The following ZNF536 variants were observed in gnomAD, a reference collection of about 807,000 sequenced individuals.
The protein encoded by ZNF536 is zinc finger protein 536.
Under a neutral mutation model 84.5 loss-of-function variants are expected in ZNF536, and 13 were observed. That is an observed-to-expected ratio of 0.15 (90% CI 0.10 to 0.24). The LOEUF (loss-of-function observed/expected upper bound fraction) is 0.24. Among genes scored for constraint, ZNF536 ranks in the 10% least tolerant of loss-of-function variants. ZNF536 has a pLI of 1.00. For missense variants in ZNF536, 1,536 were observed against 1,747.5 expected, an observed-to-expected ratio of 0.88 and a Z score of 2.16; for synonymous variants, 811 against 742.5, an observed-to-expected ratio of 1.09 and a Z score of -1.50.
intron 1 of ZNF536, among the ~76,000 whole-genome samples, chr19:30,258,328 T>C (rs938645955): frequency 1.3e-5 from 2 of 152,284 alleles, no homozygotes; most frequent in Middle Eastern, 3.4e-3. Context: ...GTGAGAAAAG[T>C]AGGAGCTTCA....
chr19:30,654,146 T>A (rs889334392), intron 1 of ZNF536, among the ~76,000 whole-genome samples: 1 of 152,138 alleles, frequency 6.6e-6, no homozygotes, highest in Admixed American at 6.5e-5. Flanking sequence ...GCATAAGAAG[T>A]CTCCCTGGCT....
chr19:30,399,599 A>G (rs1305456357), intron 1 of ZNF536, among the ~76,000 whole-genome samples: 5 of 151,830 alleles, frequency 3.3e-5, no homozygotes, highest in African/African-American at 9.7e-5. Flanking sequence ...TGTATAAGGT[A>G]TAAGGAAGGA....
intron 2 of ZNF536, among the ~76,000 whole-genome samples, chr19:30,349,930 A>G (rs2047878297): frequency 6.6e-6 from 1 of 152,174 alleles, no homozygotes. Flanking sequence ...ATGTGATTCA[A>G]CTGAGGTTGT....
intron 1 of ZNF536, among the ~76,000 whole-genome samples, chr19:30,635,603 G>A (rs2049037552): frequency 6.6e-6 from 1 of 152,192 alleles, no homozygotes; most frequent in African/African-American, 2.4e-5. Flanking sequence ...AAGGTTCTCT[G>A]GAGGCCCCAA....
intron 1 of ZNF536, among the ~76,000 whole-genome samples, chr19:30,564,062 G>T (rs922585019): frequency 6.6e-6 from 1 of 152,126 alleles, no homozygotes; most frequent in African/African-American, 2.4e-5. Context: ...ACAAGAGGGG[G>T]TGAATGGCTG....
At chr19:30,283,327 T>G (rs1294603744) in intron 1 of ZNF536, among the ~76,000 whole-genome samples, 1 of 152,190 alleles carries the variant, frequency 6.6e-6, no homozygotes, top group African/African-American at 2.4e-5. Flanking sequence ...CTTCCTTGAT[T>G]ACCCCCTAGC....
At position 30,659,952 on chromosome 19, in the gene ZNF536, G is replaced by T. The variant is rs574418944; in HGVS notation, c.170-50805G>T. 8.1e-4 allele frequency among the ~76,000 whole-genome samples: 82 copies of T among 101,294 alleles called. No homozygotes were observed. The East Asian group carries it at 0.015, about 18-fold the overall frequency. The allele number at this position is 101,294 out of a possible 152,430, so 66.5% of individuals were successfully genotyped here. ...TTGCTCCTACCCTGTTTGACACAAG[G>T]GTGTGTGTGTGTGTGTGTGTGTGTG... On this transcript the variant is annotated intron_variant, in intron 1 of 1. Coordinates refer to the ZNF536 transcript ENST00000592773.
At chr19:30,265,707 C>T (rs988804203) in intron 1 of ZNF536, among the ~76,000 whole-genome samples, 5 of 152,028 alleles carry the variant, frequency 3.3e-5, no homozygotes, top group East Asian at 1.9e-4. Flanking sequence ...TGCCTTTTTT[C>T]GTCATGGTTC....
chr19:30,363,812 C>T (rs1443705809), intron 3 of ZNF536, among the ~76,000 whole-genome samples: 1 of 152,104 alleles, frequency 6.6e-6, no homozygotes, highest in African/African-American at 2.4e-5. Context: ...GAAGGGCTGG[C>T]CTTGGAGCTG....
At chr19:30,620,861 C>A (rs1417238089) in intron 1 of ZNF536, among the ~76,000 whole-genome samples, 3 of 151,486 alleles carry the variant, frequency 2.0e-5, no homozygotes, top group Non-Finnish European at 2.9e-5. Flanking sequence ...ATGTGCTACC[C>A]CAATTCTGGC....
intron 1 of ZNF536, among the ~76,000 whole-genome samples, chr19:30,601,652 A>G (rs1038625545): frequency 6.6e-6 from 1 of 152,152 alleles, no homozygotes; most frequent in African/African-American, 2.4e-5. Context: ...ATCTCTGAGA[A>G]ACACAAAGCA....
At chr19:30,322,354 C>T (rs1192310754) in intron 2 of ZNF536, among the ~76,000 whole-genome samples, 1 of 152,062 alleles carries the variant, frequency 6.6e-6, no homozygotes, top group African/African-American at 2.4e-5. Context: ...AATTTTTCCC[C>T]CTCATTTTGG....
At chr19:30,586,165 T>C (rs1012218024) in intron 1 of ZNF536, among the ~76,000 whole-genome samples, 3 of 152,240 alleles carry the variant, frequency 2.0e-5, no homozygotes, top group Admixed American at 2.0e-4. Flanking sequence ...AACATCTAGC[T>C]GACAACAACT....
At chr19:30,526,792 G>A (rs1338616729) in intron 2 of ZNF536, among the ~76,000 whole-genome samples, 1 of 151,464 alleles carries the variant, frequency 6.6e-6, no homozygotes, top group Non-Finnish European at 1.5e-5. Context: ...TTGGCCCACA[G>A]TTCTTGATCT....
At chr19:30,436,345 C>T (rs189734452) in intron 1 of ZNF536, 235 of 210,610 alleles carry the variant, frequency 1.1e-3, no homozygotes, top group Middle Eastern at 7.4e-3. Context: ...AGGTCACCCG[C>T]GCTGCCCTCC....
chr19:30,604,797 A>C (rs576478113), intron 1 of ZNF536, among the ~76,000 whole-genome samples: 2 of 152,298 alleles, frequency 1.3e-5, no homozygotes, highest in East Asian at 3.9e-4. Flanking sequence ...AGAGAGGGCG[A>C]GTGACTGGCC....
chr19:30,616,589 C>A (rs2048302298), intron 1 of ZNF536, among the ~76,000 whole-genome samples: 2 of 152,142 alleles, frequency 1.3e-5, no homozygotes, highest in African/African-American at 4.8e-5. Flanking sequence ...TTGTTATTTG[C>A]ATTGCTGTTA....
At chr19:30,280,160 C>T (rs910493715) in intron 1 of ZNF536, among the ~76,000 whole-genome samples, 2 of 152,066 alleles carry the variant, frequency 1.3e-5, no homozygotes, top group African/African-American at 4.8e-5. Context: ...TCCGCCTCAC[C>T]TCCATCCTTC....
intron 2 of ZNF536, among the ~76,000 whole-genome samples, chr19:30,467,437 G>A (rs2053460241): frequency 6.6e-6 from 1 of 152,198 alleles, no homozygotes; most frequent in South Asian, 2.1e-4. Context: ...GTTGCAGCCT[G>A]TGACAGATTT....
Sources: gnomAD v4.1 joint callset for allele counts (sites outside exome capture counted in the v4.1 genomes callset) on GRCh38, gnomAD v4.1.1 for gene constraint, MANE v1.5 for transcripts, NCBI Gene and HGNC (gene_info 2026-07-23, HGNC 2026-07-21) for gene names.